The following HDAC9 variants were observed in gnomAD, a reference collection of about 807,000 sequenced individuals.
The protein encoded by HDAC9 is MEF-2 interacting transcription repressor (MITR) protein.
A neutral mutation model predicts 139.4 loss-of-function variants in HDAC9; 41 were observed. The ratio of observed to expected loss-of-function variants is 0.29; its 90% CI spans 0.23 to 0.38. HDAC9 has a LOEUF of 0.38. HDAC9 is among the 10% of genes least tolerant of loss of function. The pLI is 1.00. For missense variants in HDAC9, 1,147 were observed against 1,297.0 expected (o/e 0.88, Z 1.78); for synonymous variants, 517 against 476.2 (o/e 1.09, Z -1.12).
chr7:18,535,964 G>A (rs969182801), intron 2 of HDAC9, among the ~76,000 whole-genome samples: 5 of 152,158 alleles, frequency 3.3e-5, no homozygotes, highest in African/African-American at 1.2e-4. Flanking sequence ...AGAAGCTGTA[G>A]ATGCCCCACT....
intron 1 of HDAC9, among the ~76,000 whole-genome samples, chr7:18,380,806 C>A (rs1585496076): frequency 6.6e-6 from 1 of 152,110 alleles, no homozygotes; most frequent in East Asian, 1.9e-4. Context: ...AAGAGAAGTT[C>A]TGGGGCTCCC....
intron 2 of HDAC9, among the ~76,000 whole-genome samples, chr7:18,226,004 C>T (rs889528209): frequency 4.6e-5 from 7 of 152,122 alleles, no homozygotes; most frequent in Non-Finnish European, 1.0e-4. Context: ...TAATTTTACT[C>T]ATAATATAAT....
At chr7:18,745,441 G>T (rs979185488) in intron 13 of HDAC9, among the ~76,000 whole-genome samples, 4 of 151,846 alleles carry the variant, frequency 2.6e-5, no homozygotes, top group Non-Finnish European at 5.9e-5. Context: ...GTCATTAAAA[G>T]GGGGAAACAT....
chr7:18,824,799 C>A (rs766235330), intron 17 of HDAC9, among the ~76,000 whole-genome samples: 5 of 152,168 alleles, frequency 3.3e-5, no homozygotes, highest in Non-Finnish European at 5.9e-5. Context: ...GGTTTCTTAT[C>A]CACTGTGTGG....
In HDAC9 at chr7:18,793,429, A is replaced by C. The variant is rs1320034766; in HGVS notation, c.2299A>C (p.Lys767Gln). ...TGGCTGTGTCATCGAGCTGGCTTCC[A>C]AAGTGGCCTCAGGAGAGCTGAAGGT... ...AVGCVIELASKVASGELKNGF... is the reference protein window; with the variant it reads ...AVGCVIELASQVASGELKNGF... The change falls in exon 17 of 26, where the codon AAA (lysine) becomes CAA (glutamine). Residue 767 changes from lysine to glutamine, a missense_variant. Physicochemically the swap from Lys to Gln is moderately conservative, Grantham distance 53 (BLOSUM62 1). Transcript: ENST00000686413. 10 of 1,581,264 alleles carry C rather than the reference A, an allele frequency of 6.3e-6. No individual in the cohort carries two copies. The highest frequency in any genetic ancestry group is 1.3e-5 in the African/African-American group (1 of 74,222).
At position 18,490,661 on chromosome 7, in the gene HDAC9, A is replaced by G. The variant is rs548879805; in HGVS notation, c.-41-5601A>G. Among the ~76,000 whole-genome samples, 65 of 152,162 alleles carry G rather than the reference A, an allele frequency of 4.3e-4. No homozygotes were observed. The South Asian group carries it at 9.7e-3, about 23-fold the overall frequency. ...TGTTCCTCTAAGAAATAGAAAATTC[A>G]GATAAATAAGGTCTTGAGTTGGAAC... On this transcript the variant is annotated intron_variant, in intron 1 of 3. Transcript: ENST00000413509.
chr7:18,982,664 C>T lies in HDAC9; in HGVS notation c.3170+6711C>T, dbSNP rs764527888. 2.6e-5 allele frequency among the ~76,000 whole-genome samples: 4 copies of T among 152,174 alleles called. No individual in the cohort carries two copies. In the East Asian group the frequency reaches 7.7e-4, roughly 29 times the overall value. On this transcript the variant is annotated intron_variant, in intron 25 of 25. Transcript: ENST00000686413. The stretch of plus-strand genomic sequence containing the variant: ...TGCCACTCCCTCCAGAGGTAACTAC[C>T]GTTTTACTTTTAACACCGTCAATTA...
At chr7:18,493,601 C>A (rs1008108703), upstream of HDAC9, among the ~76,000 whole-genome samples, 1 of 151,660 alleles carries the variant, frequency 6.6e-6, no homozygotes, top group South Asian at 2.1e-4. Flanking sequence ...GTTCTGATCT[C>A]ACCACAAAAA....
At chr7:18,189,657 G>T (rs1036651608) in intron 2 of HDAC9, among the ~76,000 whole-genome samples, 44 of 151,996 alleles carry the variant, frequency 2.9e-4, no homozygotes, top group African/African-American at 9.9e-4. Flanking sequence ...GATTATCCTA[G>T]GTCTCTTGCT....
chr7:18,159,516 G>A (rs926603243), intron 1 of HDAC9, among the ~76,000 whole-genome samples: 5 of 152,134 alleles, frequency 3.3e-5, no homozygotes, highest in African/African-American at 1.2e-4. Flanking sequence ...TATCAATTTT[G>A]TCCCTAAAAG....
chr7:18,469,892 A>G (rs1300717216), intron 1 of HDAC9, among the ~76,000 whole-genome samples: 1 of 152,110 alleles, frequency 6.6e-6, no homozygotes, highest in Non-Finnish European at 1.5e-5. Context: ...TGACGCCCAG[A>G]TGTGTTTTCT....
intron 21 of HDAC9, among the ~76,000 whole-genome samples, chr7:18,837,405 T>C (rs1796309797): frequency 6.6e-6 from 1 of 152,034 alleles, no homozygotes; most frequent in South Asian, 2.1e-4. Flanking sequence ...ATTTGCAAAT[T>C]TCACAAACAT....
chr7:18,598,422 A>G (rs1287909989), intron 6 of HDAC9, among the ~76,000 whole-genome samples: 1 of 152,136 alleles, frequency 6.6e-6, no homozygotes, highest in Non-Finnish European at 1.5e-5. Flanking sequence ...GAGAAGTAAT[A>G]TGGCCATTGT....
intron 6 of HDAC9, among the ~76,000 whole-genome samples, chr7:18,613,501 A>G (rs533670156): frequency 1.3e-5 from 2 of 152,072 alleles, no homozygotes; most frequent in Non-Finnish European, 2.9e-5. Context: ...CGTCTTCTAG[A>G]TTTTATAATG....
At position 18,532,623 on chromosome 7, in the gene HDAC9, A is replaced by G. The variant is rs144811015; in HGVS notation, c.22+36299A>G. Among the ~76,000 whole-genome samples, 8 of 152,284 alleles carry G rather than the reference A, an allele frequency of 5.3e-5. No individual in the cohort carries two copies. In the East Asian group the frequency reaches 1.5e-3, roughly 29 times the overall value. ...CACCGATTTGAATTTTGGGTTCTCT[A>G]TGAGTGAACAAGTAAAATTATCAAA... On this transcript the variant is annotated intron_variant, in intron 2 of 25. Transcript: ENST00000686413.
chr7:18,927,748 A>G (rs1186868133), intron 22 of HDAC9, among the ~76,000 whole-genome samples: 1 of 152,148 alleles, frequency 6.6e-6, no homozygotes, highest in Non-Finnish European at 1.5e-5. Flanking sequence ...AAGAGTTACA[A>G]ATTAATACAA....
At chr7:18,480,271 A>G (rs537694435) in intron 1 of HDAC9, among the ~76,000 whole-genome samples, 1 of 152,316 alleles carries the variant, frequency 6.6e-6, no homozygotes, top group South Asian at 2.1e-4. Context: ...ACCGAGGATA[A>G]CATGCCCCAG....
chr7:18,400,209 T>C (rs1276461648), intron 1 of HDAC9, among the ~76,000 whole-genome samples: 1 of 152,188 alleles, frequency 6.6e-6, no homozygotes, highest in Non-Finnish European at 1.5e-5. Context: ...ATAAGGACTT[T>C]GGAAGATACA....
At chr7:18,486,149 C>T (rs1795957756) in intron 1 of HDAC9, among the ~76,000 whole-genome samples, 1 of 152,104 alleles carries the variant, frequency 6.6e-6, no homozygotes, top group Admixed American at 6.6e-5. Context: ...TGACATTAAT[C>T]CATTCCTGAA....
Sources: allele counts gnomAD v4.1 joint callset (sites outside exome capture counted in the v4.1 genomes callset), GRCh38; gene constraint gnomAD v4.1.1; transcripts MANE v1.5; gene names NCBI Gene and HGNC (gene_info 2026-07-23, HGNC 2026-07-21).